Variants in CDC42BPA observed in about 807,000 individuals in gnomAD.
The protein encoded by CDC42BPA is serine/threonine-protein kinase MRCK alpha.
A neutral mutation model predicts 223.5 loss-of-function variants in CDC42BPA; 80 were observed. The ratio of observed to expected loss-of-function variants is 0.36; its 90% CI spans 0.30 to 0.43. The LOEUF is 0.43. Ranked by LOEUF, CDC42BPA falls within the 20% of genes least tolerant of loss-of-function variation. CDC42BPA has a pLI of 1.00. For missense variants in CDC42BPA, 1,743 were observed against 2,099.9 expected (o/e 0.83, Z 3.32); for synonymous variants, 694 against 718.6 (o/e 0.97, Z 0.55).
chr1:227,165,478 C>CA (rs1283523027), intron 5 of CDC42BPA, among the ~76,000 whole-genome samples: 1 of 151,978 alleles, frequency 6.6e-6, no homozygotes, highest in African/African-American at 2.4e-5. Flanking sequence ...CAACTGAAAA[C>CA]AAATTTGAGC....
chr1:227,026,451 T>C (rs1668270176), intron 30 of CDC42BPA, among the ~76,000 whole-genome samples: 1 of 152,230 alleles, frequency 6.6e-6, no homozygotes, highest in Non-Finnish European at 1.5e-5. Context: ...TCATTATATT[T>C]GAACTATTTG....
chr1:227,067,055 T>C (rs4653786), intron 21 of CDC42BPA, among the ~76,000 whole-genome samples: 150,630 of 152,284 alleles, frequency 0.99, 74,505 homozygotes, highest in East Asian at 1. Context: ...GTGAACTCAG[T>C]TCCTTTTTAC....
rs567154042 is a variant in CDC42BPA at position 227,157,185 on chromosome 1, C to T, written c.693+3358G>A. On this transcript the variant is annotated intron_variant, in intron 6 of 36. Transcript: ENST00000366766. Reference sequence around the variant, plus strand: ...AATTAAATAAGAAAGACAGTATAGACATTTTATTTACCCACTTATTTATTG... The same window carrying T: ...AATTAAATAAGAAAGACAGTATAGATATTTTATTTACCCACTTATTTATTG... Among the ~76,000 whole-genome samples, 14 of 152,270 alleles carry T rather than the reference C, an allele frequency of 9.2e-5. No individual in the cohort carries two copies. The South Asian group carries it at 1.9e-3, about 20-fold the overall frequency.
At position 227,045,926 on chromosome 1, in the gene CDC42BPA, C is replaced by T. The variant is rs138869531; in HGVS notation, c.3093+2001G>A. On this transcript the variant is annotated intron_variant, in intron 23 of 36. Transcript: ENST00000366766. ...GGCTCAAGTGATCCTCCCTCCTCAA[C>T]CCCCAAGTAGCTGGCACTATAGGTG... 6.0e-3 allele frequency among the ~76,000 whole-genome samples: 907 copies of T among 152,244 alleles called. 10 individuals are homozygous for T. Among genetic ancestry groups the T allele is most frequent in the African/African-American group, 0.021 (854 of 41,548 alleles).
At chr1:227,226,538 G>C (rs1676895143) in intron 2 of CDC42BPA, among the ~76,000 whole-genome samples, 1 of 152,166 alleles carries the variant, frequency 6.6e-6, no homozygotes, top group South Asian at 2.1e-4. Flanking sequence ...ATGACATGTA[G>C]AGGCAGAAAC....
chr1:227,002,341 T>C (rs1039289433), intron 35 of CDC42BPA, among the ~76,000 whole-genome samples: 1 of 152,230 alleles, frequency 6.6e-6, no homozygotes, highest in Non-Finnish European at 1.5e-5. Context: ...GTGGTTGTCA[T>C]TTTCCCACTT....
At chr1:227,301,706 T>C (rs1302641122) in intron 1 of CDC42BPA, among the ~76,000 whole-genome samples, 1 of 152,160 alleles carries the variant, frequency 6.6e-6, no homozygotes, top group East Asian at 1.9e-4. Context: ...TTTTAAAATT[T>C]TCATTTTTAT....
At chr1:227,106,515 T>C (rs1685960440) in intron 14 of CDC42BPA, among the ~76,000 whole-genome samples, 1 of 152,174 alleles carries the variant, frequency 6.6e-6, no homozygotes. Flanking sequence ...GTCTGTAATT[T>C]TGTGATTTTT....
intron 17 of CDC42BPA, among the ~76,000 whole-genome samples, chr1:227,074,739 C>G (rs1479910500): frequency 6.6e-6 from 1 of 152,094 alleles, no homozygotes; most frequent in African/African-American, 2.4e-5. Context: ...CATTTTATAT[C>G]ATAAAAACAA....
At chr1:227,265,009 G>A (rs1434270530) in intron 1 of CDC42BPA, 5 of 816,244 alleles carry the variant, frequency 6.1e-6, no homozygotes, top group Non-Finnish European at 8.8e-6. Context: ...CATTCTTTCT[G>A]CAATTTCTGT....
At chr1:227,295,308 A>G (rs1690480599) in intron 1 of CDC42BPA, among the ~76,000 whole-genome samples, 1 of 152,016 alleles carries the variant, frequency 6.6e-6, no homozygotes, top group Admixed American at 6.6e-5. Context: ...CTATAGACGC[A>G]CACCACCACA....
At chr1:227,049,260 T>C (rs1673070661) in intron 22 of CDC42BPA, among the ~76,000 whole-genome samples, 1 of 137,524 alleles carries the variant, frequency 7.3e-6, no homozygotes, top group Non-Finnish European at 1.6e-5. Context: ...GGGTGCTGGA[T>C]ACAAGATCTA....
Position 227,317,066 on chromosome 1 carries a change from A to G in CDC42BPA, c.117T>C (p.Tyr39=), listed in dbSNP as rs776731146. Residue 39 remains tyrosine (Y), a synonymous_variant, in exon 1 of 37, where the codon TAT becomes TAC. Coordinates refer to ENST00000366766, the MANE Select transcript of CDC42BPA (RefSeq NM_001394014.1). ...TCAATGGAGAATTATTGCATTCATC[A>G]TAAAGGCAGATGAGTATATCCAGTA... is the stretch of plus-strand genomic sequence containing the variant. ...ETLLDILICL[Y]DECNNSPLRR... is the part of the protein sequence containing the mutation. 6.2e-7 allele frequency: 1 copy of G among 1,613,616 alleles called. No homozygotes were observed. Among genetic ancestry groups the G allele is most frequent in the Non-Finnish European group, 8.5e-7 (1 of 1,179,514 alleles).
At position 227,294,720 on chromosome 1, in the gene CDC42BPA, C is replaced by T. The variant is rs888794359; in HGVS notation, c.178+22285G>A. ...CTAAAAATACAAAAAATTAGCCGGG[C>T]GTGGTAGCGGGCGCCTGTAGTCCCA... On this transcript the variant is annotated intron_variant, in intron 1 of 36. Coordinates refer to ENST00000366766, the MANE Select transcript of CDC42BPA (RefSeq NM_001394014.1). 3.4e-5 allele frequency among the ~76,000 whole-genome samples: 4 copies of T among 117,832 alleles called. 1 individual carries two copies. The highest frequency in any genetic ancestry group is 7.0e-5 in the Non-Finnish European group (4 of 56,758). 77.3% of individuals were successfully genotyped at this position (117,832 alleles called of 152,430 possible). A position where few individuals can be genotyped will look rare whatever the true frequency, so the allele number is the denominator to read the frequency against.
intron 2 of CDC42BPA, chr1:227,234,997 C>T (rs1019852369): frequency 3.3e-5 from 5 of 151,860 alleles, no homozygotes; most frequent in African/African-American, 1.2e-4. Flanking sequence ...TCCAATGTGG[C>T]CCAAGGAAGC....
At chr1:227,039,080 T>C (rs1273442535) in intron 24 of CDC42BPA, among the ~76,000 whole-genome samples, 8 of 152,194 alleles carry the variant, frequency 5.3e-5, no homozygotes, top group Non-Finnish European at 8.8e-5. Context: ...AGCAATTTTG[T>C]GAGTGTTTCC....
At position 227,266,027 on chromosome 1, in the gene CDC42BPA, C is replaced by T. The variant is rs1008138659; in HGVS notation, c.179-11872G>A. On this transcript the variant is annotated intron_variant, in intron 1 of 36. Transcript: ENST00000366766. Reference sequence around the variant, plus strand: ...GTAAGTTACTTAAACAAATGAATATCGTATGTGGCAGACTGCCTAGTTACC... The same window carrying T: ...GTAAGTTACTTAAACAAATGAATATTGTATGTGGCAGACTGCCTAGTTACC... 2.6e-5 allele frequency among the ~76,000 whole-genome samples: 4 copies of T among 152,188 alleles called. No individual in the cohort carries two copies. In the South Asian group the frequency reaches 8.3e-4, roughly 31 times the overall value.
rs751585762 is a variant in CDC42BPA at position 227,080,875 on chromosome 1, G to A, written c.2480+18C>T. On this transcript the variant is annotated intron_variant, in intron 17 of 36. Coordinates refer to ENST00000366766, the MANE Select transcript of CDC42BPA (RefSeq NM_001394014.1). Reference sequence around the variant, plus strand: ...TACTCACAATCATCCACAAAAAAACGTTTAAAAGAGCACTCACCACTGAAT... The same window carrying A: ...TACTCACAATCATCCACAAAAAAACATTTAAAAGAGCACTCACCACTGAAT... 90 of 1,612,572 alleles carry A rather than the reference G, an allele frequency of 5.6e-5. No individual in the cohort carries two copies. The highest frequency in any genetic ancestry group is 7.1e-5 in the Non-Finnish European group (84 of 1,179,642).
chr1:227,232,818 C>T (rs1053654637), intron 2 of CDC42BPA, among the ~76,000 whole-genome samples: 5 of 152,206 alleles, frequency 3.3e-5, no homozygotes, highest in African/African-American at 1.2e-4. Context: ...TGTCAGTCGG[C>T]CCCTACTGGG....
Sources: gnomAD v4.1 joint callset for allele counts (sites outside exome capture counted in the v4.1 genomes callset) on GRCh38, gnomAD v4.1.1 for gene constraint, MANE v1.5 for transcripts, NCBI Gene and HGNC (gene_info 2026-07-23, HGNC 2026-07-21) for gene names.